The following WNT5A variants were observed in gnomAD, a reference collection of about 807,000 sequenced individuals.
WNT5A encodes Wnt family member 5A.
Under a neutral mutation model 42.1 loss-of-function variants are expected in WNT5A, and 9 were observed. That is an observed-to-expected ratio of 0.21 (90% CI 0.13 to 0.37). WNT5A has a LOEUF of 0.37. Ranked by LOEUF, WNT5A falls within the 10% of genes least tolerant of loss-of-function variation. The pLI is 1.00. For synonymous variants in WNT5A, 210 were observed against 210.0 expected, an observed-to-expected ratio of 1.00 and a Z score of 0.00; for missense variants, 426 against 534.0, an observed-to-expected ratio of 0.80 and a Z score of 1.99.
At chr3:55,496,406 T>C in the WNT5A span, among the ~76,000 whole-genome samples, 2 of 152,208 alleles carry the variant, frequency 1.3e-5, no homozygotes, top group Non-Finnish European at 2.9e-5. Context: ...TGGTTTTGAC[T>C]TAAGCAAAGA....
chr3:55,492,967 C>T (rs148870609), upstream of WNT5A, among the ~76,000 whole-genome samples: 26 of 152,298 alleles, frequency 1.7e-4, no homozygotes, highest in Non-Finnish European at 2.8e-4. Flanking sequence ...ACATCAGGAA[C>T]GCCTGATTCA....
In WNT5A at chr3:55,467,086, G is replaced by A. The variant is rs986989985; in HGVS notation, c.*3006C>T. 4 of 152,168 alleles carry A rather than the reference G, an allele frequency of 2.6e-5. No individual in the cohort carries two copies. The highest frequency in any genetic ancestry group is 3.4e-3 in the Middle Eastern group (1 of 294). The allele number at this position is 152,168 out of a possible 1,614,324, so 9.4% of individuals were successfully genotyped here. A position where few individuals can be genotyped will look rare whatever the true frequency, so the allele number is the denominator to read the frequency against. On this transcript the variant is annotated 3_prime_UTR_variant, in exon 5 of 5. Transcript: ENST00000264634. ...ACCAGTTTTCATTCTCTGCAGACCCGGGCTTTCTTTTTATAAAAACTGCTT... is the reference window on the plus strand; with the variant it reads ...ACCAGTTTTCATTCTCTGCAGACCCAGGCTTTCTTTTTATAAAAACTGCTT...
chr3:55,494,201 T>G (rs888177289), upstream of WNT5A: 11 of 152,210 alleles, frequency 7.2e-5, no homozygotes, highest in Non-Finnish European at 1.6e-4. Flanking sequence ...TTTTTGGAAT[T>G]GTCAATATTA....
chr3:55,477,556 C>T (rs1575401153), intron 3 of WNT5A, among the ~76,000 whole-genome samples: 1 of 152,106 alleles, frequency 6.6e-6, no homozygotes, highest in Non-Finnish European at 1.5e-5. Context: ...ACAGTAGTGC[C>T]GTGCAGCTGA....
rs557611170 is a variant in WNT5A, at chr3:55,481,448, T to C, written c.7-530A>G. 2,195 of 611,698 alleles carry C rather than the reference T, an allele frequency of 3.6e-3. 3 individuals are homozygous for C. Among genetic ancestry groups the C allele is most frequent in the Non-Finnish European group, 4.1e-3 (2,097 of 514,692 alleles). 37.9% of individuals were successfully genotyped at this position (611,698 alleles called of 1,614,324 possible). On this transcript the variant is annotated intron_variant, in intron 1 of 4. Transcript: ENST00000264634. ...GAGGCGGGGTGGCCAGCGCGGGGGGTGGAGGATGGGGGCAGGACGCGGGAG... is the reference window on the plus strand; with the variant it reads ...GAGGCGGGGTGGCCAGCGCGGGGGGCGGAGGATGGGGGCAGGACGCGGGAG...
chr3:55,501,317 A>G, the WNT5A span, among the ~76,000 whole-genome samples: 1 of 152,222 alleles, frequency 6.6e-6, no homozygotes, highest in African/African-American at 2.4e-5. Flanking sequence ...AGATTTTTCT[A>G]AAGTATTGGC....
At chr3:55,499,985 A>ACCC in the WNT5A span, among the ~76,000 whole-genome samples, 65 of 150,674 alleles carry the variant, frequency 4.3e-4, 3 homozygotes, top group Middle Eastern at 6.9e-3. Context: ...CCCTCCAAAA[A>ACCC]AAAAAAAAAA....
chr3:55,499,981 A>C, the WNT5A span, among the ~76,000 whole-genome samples: 92 of 12,900 alleles, frequency 7.1e-3, no homozygotes, highest in African/African-American at 0.079. Flanking sequence ...TCCCCCCTCC[A>C]AAAAAAAAAA....
At chr3:55,484,852 C>G (rs1272550622) in intron 1 of WNT5A, among the ~76,000 whole-genome samples, 1 of 152,210 alleles carries the variant, frequency 6.6e-6, no homozygotes, top group Non-Finnish European at 1.5e-5. Flanking sequence ...AACCCCCACT[C>G]TTTAAAGGTA....
rs561232013 is a variant in WNT5A at position 55,480,346 on chromosome 3, C to T, written c.140+439G>A. ...CTTCTGCACTTGGAGTGTAGCTGTC[C>T]TCCTAGAACTCTGCCTAATTCAAAC... On this transcript the variant is annotated intron_variant, in intron 2 of 4. Transcript: ENST00000264634. Among the ~76,000 whole-genome samples, 16 of 152,300 alleles carry T rather than the reference C, an allele frequency of 1.1e-4. No individual in the cohort carries two copies. The South Asian group carries it at 3.1e-3, about 30-fold the overall frequency.
intron 4 of WNT5A, among the ~76,000 whole-genome samples, chr3:55,471,839 A>T (rs919255598): frequency 2.0e-5 from 3 of 152,214 alleles, no homozygotes; most frequent in African/African-American, 7.2e-5. Flanking sequence ...GGAACCTGGA[A>T]GCTGGGGGTG....
chr3:55,481,461 CAGGA>C, intron 1 of WNT5A: 2 of 656,230 alleles, frequency 3.0e-6, no homozygotes, highest in Non-Finnish European at 3.8e-6. Flanking sequence ...AGGATGGGGG[CAGGA>C]CGCGGGAGGG....
rs1236067143 is a variant in WNT5A, at chr3:55,468,937, A to T, written c.*1155T>A. 1 of 152,318 alleles carries T rather than the reference A, an allele frequency of 6.6e-6. No homozygotes were observed. The highest frequency in any genetic ancestry group is 1.5e-5 in the Non-Finnish European group (1 of 68,026). 9.4% of individuals were successfully genotyped at this position (152,318 alleles called of 1,614,324 possible). On this transcript the variant is annotated 3_prime_UTR_variant, in exon 5 of 5. Transcript: ENST00000264634. ...GGAAACAAAAATCCCTAAGTAGTGA[A>T]CTGTTTTCCAAGCAGAGCTCCTAAT...
rs371351522 is a variant in WNT5A, at chr3:55,474,346, G to A, written c.675C>T (p.Ala225=). ...RILMNLHNNE[A]GRRTVYNLAD... is the part of the protein sequence containing the mutation. ...GAGACGCGGCACTCACCCTGCGGCC[G>A]GCCTCGTTGTTGTGCAGGTTCATGA... is the stretch of plus-strand genomic sequence containing the variant. The change falls in exon 4 of 5, where the codon GCC becomes GCT. Residue 225 remains alanine (A), a synonymous_variant. Transcript: ENST00000264634. The A allele has an allele frequency of 1.3e-5, 21 of 1,612,950 alleles. No individual in the cohort carries two copies. Among genetic ancestry groups the A allele is most frequent in the Admixed American group, 1.7e-5 (1 of 60,020 alleles).
intron 1 of WNT5A, among the ~76,000 whole-genome samples, chr3:55,482,715 T>C (rs1449043468): frequency 1.3e-5 from 2 of 152,060 alleles, no homozygotes; most frequent in East Asian, 3.9e-4. Flanking sequence ...TCCTGGAGAA[T>C]GGAAATCTGG....
rs1257453657 is a variant in WNT5A at position 55,467,352 on chromosome 3, T to C, written c.*2740A>G. 1 of 138,592 alleles carries C rather than the reference T, an allele frequency of 7.2e-6. No individual in the cohort carries two copies. The highest frequency in any genetic ancestry group is 1.5e-5 in the Non-Finnish European group (1 of 64,582). The allele number at this position is 138,592 out of a possible 1,614,324, so 8.6% of individuals were successfully genotyped here. On this transcript the variant is annotated 3_prime_UTR_variant, in exon 5 of 5. Transcript: ENST00000264634. ...CAATCCTATAACCAGCTTTAAGCCA[T>C]CTGCTTGATTTCTTTTTTTTTTTTT... is the stretch of plus-strand genomic sequence containing the variant.
chr3:55,504,026 C>A, the WNT5A span, among the ~76,000 whole-genome samples: 4 of 152,146 alleles, frequency 2.6e-5, no homozygotes, highest in Non-Finnish European at 5.9e-5. Flanking sequence ...AATTTCAGAA[C>A]TTTGGGAGGC....
chr3:55,502,767 G>A, the WNT5A span, among the ~76,000 whole-genome samples: 1 of 152,192 alleles, frequency 6.6e-6, no homozygotes, highest in Non-Finnish European at 1.5e-5. Flanking sequence ...TTTGGACATA[G>A]GCAAAGGTAC....
the WNT5A span, among the ~76,000 whole-genome samples, chr3:55,497,933 G>A: frequency 6.6e-6 from 1 of 152,152 alleles, no homozygotes; most frequent in African/African-American, 2.4e-5. Flanking sequence ...CAGTGAGAGA[G>A]AATTACATTT....
Sources: gnomAD v4.1 joint callset for allele counts (sites outside exome capture counted in the v4.1 genomes callset) on GRCh38, gnomAD v4.1.1 for gene constraint, MANE v1.5 for transcripts, NCBI Gene and HGNC (gene_info 2026-07-23, HGNC 2026-07-21) for gene names.